The following CHODL variants were observed in gnomAD, a reference collection of about 807,000 sequenced individuals.
CHODL encodes transmembrane protein MT75.
CHODL carries 29 observed loss-of-function variants against 34.5 expected under a neutral mutation model. The ratio of observed to expected loss-of-function variants is 0.84; its 90% CI spans 0.63 to 1.15. CHODL has a LOEUF of 1.15. Among genes scored for constraint, CHODL ranks in the 50% most tolerant of loss-of-function variants. CHODL has a pLI of 0.00. For missense variants in CHODL, 332 were observed against 332.5 expected (o/e 1.00, Z 0.01); for synonymous variants, 125 against 116.1 (o/e 1.08, Z -0.49).
intron 2 of CHODL, among the ~76,000 whole-genome samples, chr21:18,092,034 C>A (rs1365546961): frequency 6.6e-6 from 1 of 152,156 alleles, no homozygotes; most frequent in Non-Finnish European, 1.5e-5. Flanking sequence ...AATTGCCATC[C>A]TGAAGAGAAG....
rs115975734 is a variant in CHODL at position 18,043,993 on chromosome 21, G to A, written c.-45+16022G>A. On this transcript the variant is annotated intron_variant, in intron 2 of 6. Transcript: ENST00000400127. The stretch of plus-strand genomic sequence containing the variant: ...ATCTCCATGATTCAGTTATCTCCCC[G>A]CCACAACACATGGGGATTATGGGAG... Among the ~76,000 whole-genome samples the A allele has an allele frequency of 2.9e-3, 443 of 152,018 alleles. 2 individuals carry two copies. The highest frequency in any genetic ancestry group is 0.01 in the African/African-American group (424 of 41,508).
At chr21:18,168,207 T>G (rs968210863) in intron 2 of CHODL, among the ~76,000 whole-genome samples, 11 of 152,180 alleles carry the variant, frequency 7.2e-5, no homozygotes, top group African/African-American at 2.7e-4. Flanking sequence ...TTGGCTTCCT[T>G]GCTCCTCAGC....
intron 1 of CHODL, among the ~76,000 whole-genome samples, chr21:17,996,076 TA>T (rs1410365179): frequency 1.4e-4 from 22 of 152,118 alleles, no homozygotes; most frequent in South Asian, 4.2e-4. Flanking sequence ...ACTCATCATT[TA>T]TTTTTTTTTT....
intron 2 of CHODL, among the ~76,000 whole-genome samples, chr21:18,232,006 C>T (rs988520787): frequency 6.6e-5 from 10 of 151,880 alleles, no homozygotes; most frequent in South Asian, 2.1e-4. Context: ...CTGGTCTATG[C>T]GGAAATTTAG....
At chr21:18,010,677 GA>G (rs543403735) in intron 1 of CHODL, among the ~76,000 whole-genome samples, 102 of 151,846 alleles carry the variant, frequency 6.7e-4, no homozygotes, top group African/African-American at 2.4e-3. Flanking sequence ...GTTATAACTA[GA>G]AAAAAAATGT....
intron 2 of CHODL, among the ~76,000 whole-genome samples, chr21:18,030,392 A>C (rs908326667): frequency 1.3e-5 from 2 of 152,322 alleles, no homozygotes; most frequent in South Asian, 4.1e-4. Flanking sequence ...CAGTTGAGCC[A>C]GTAGGCTGGC....
chr21:17,929,819 A>G (rs1257697427), intron 1 of CHODL, among the ~76,000 whole-genome samples: 3 of 72,872 alleles, frequency 4.1e-5, no homozygotes, highest in Non-Finnish European at 1.3e-4. Context: ...CAGTGCCAGG[A>G]GGGAGTGGGG....
intron 1 of CHODL, among the ~76,000 whole-genome samples, chr21:17,952,761 C>G (rs2063468905): frequency 6.6e-6 from 1 of 152,146 alleles, no homozygotes; most frequent in Non-Finnish European, 1.5e-5. Context: ...TCCATTCTCT[C>G]ACTGCTATAA....
At chr21:18,168,324 CT>C (rs1276284296) in intron 2 of CHODL, among the ~76,000 whole-genome samples, 1 of 152,174 alleles carries the variant, frequency 6.6e-6, no homozygotes, top group Non-Finnish European at 1.5e-5. Flanking sequence ...CTAGAAAACC[CT>C]GACTAATACA....
chr21:18,206,850 ATATCT>A (rs1396262952), intron 2 of CHODL, among the ~76,000 whole-genome samples: 43 of 144,490 alleles, frequency 3.0e-4, no homozygotes, highest in Admixed American at 2.5e-3. Flanking sequence ...CTTGCAAATA[ATATCT>A]TATAACCCAT....
rs34255623 is a variant in CHODL, at chr21:17,941,286, C to CT, written c.-145+23909dup. Reference sequence around the variant, plus strand: ...GAAAATCCCAAAACTTAACTTGCCTCTTTTTTTTTTTTTTTTTTTTTTTCA... The same window carrying CT: ...GAAAATCCCAAAACTTAACTTGCCTCTTTTTTTTTTTTTTTTTTTTTTTTCA... On this transcript the variant is annotated intron_variant, in intron 1 of 6. Coordinates refer to the CHODL transcript ENST00000400127. Among the ~76,000 whole-genome samples the CT allele has an allele frequency of 8.5e-3, 744 of 87,886 alleles. 9 individuals are homozygous for CT. The highest frequency in any genetic ancestry group is 0.011 in the Non-Finnish European group (495 of 46,912). 57.7% of individuals were successfully genotyped at this position (87,886 alleles called of 152,430 possible).
intron 2 of CHODL, among the ~76,000 whole-genome samples, chr21:18,070,025 T>TTCCCTTCCCTTCCCTTCCCTTCCC (rs1555860424): frequency 6.9e-5 from 2 of 29,090 alleles, no homozygotes; most frequent in Non-Finnish European, 2.0e-4. Flanking sequence ...TTCCCTTCCC[T>TTCCCTTCCCTTCCCTTCCCTTCCC]CCCCCCCCCC....
intron 2 of CHODL, among the ~76,000 whole-genome samples, chr21:18,110,801 G>A (rs73894751): frequency 0.05 from 7,600 of 152,262 alleles, 356 homozygotes; most frequent in African/African-American, 0.12. Context: ...CAGACATGCA[G>A]TGTGCTCAAG....
chr21:18,042,766 A>G lies in CHODL; in HGVS notation c.-45+14795A>G, dbSNP rs139770331. ...GCAGAAGGTGAAATAATAGAGATAC[A>G]TATCTGGGATAGTTGCTGGGACACG... On this transcript the variant is annotated intron_variant, in intron 2 of 6. Transcript: ENST00000400127. 3.4e-3 allele frequency among the ~76,000 whole-genome samples: 514 copies of G among 152,086 alleles called. 2 individuals are homozygous for G. The highest frequency in any genetic ancestry group is 0.011 in the African/African-American group (476 of 41,542).
intron 2 of CHODL, among the ~76,000 whole-genome samples, chr21:18,078,513 A>C (rs2064894683): frequency 6.6e-6 from 1 of 152,168 alleles, no homozygotes; most frequent in Non-Finnish European, 1.5e-5. Context: ...TTAGAATATT[A>C]AATGTACTAA....
rs1601223011 is a variant in CHODL at position 18,260,355 on chromosome 21, A to G, written c.634+69A>G. ...TACTTTCAAACGCTGCTTCATGTTGACCCCAGTGAAACTTGTCTTGCCTGG... is the reference window on the plus strand; with the variant it reads ...TACTTTCAAACGCTGCTTCATGTTGGCCCCAGTGAAACTTGTCTTGCCTGG... On this transcript the variant is annotated intron_variant, in intron 4 of 5. Transcript: ENST00000299295. 13 of 991,630 alleles carry G rather than the reference A, an allele frequency of 1.3e-5. No homozygotes were observed. In the East Asian group the frequency reaches 3.7e-4, roughly 28 times the overall value. 61.4% of individuals were successfully genotyped at this position (991,630 alleles called of 1,614,324 possible).
chr21:18,130,367 A>T (rs1420027279), intron 2 of CHODL, among the ~76,000 whole-genome samples: 3 of 152,222 alleles, frequency 2.0e-5, no homozygotes, highest in Non-Finnish European at 4.4e-5. Flanking sequence ...TGGCTGGTAG[A>T]ACTGACTCTA....
chr21:18,251,832 T>C (rs946995594), intron 1 of CHODL, among the ~76,000 whole-genome samples: 7 of 149,136 alleles, frequency 4.7e-5, no homozygotes, highest in African/African-American at 1.7e-4. Flanking sequence ...CTATAAAATA[T>C]TTCTGTAAAA....
intron 1 of CHODL, among the ~76,000 whole-genome samples, chr21:18,023,134 C>T (rs1321961495): frequency 1.3e-5 from 2 of 152,180 alleles, no homozygotes; most frequent in African/African-American, 2.4e-5. Flanking sequence ...CCACCTACTT[C>T]ACTAGTGTCC....
Sources: allele counts gnomAD v4.1 joint callset (sites outside exome capture counted in the v4.1 genomes callset), GRCh38; gene constraint gnomAD v4.1.1; transcripts MANE v1.5; gene names NCBI Gene and HGNC (gene_info 2026-07-23, HGNC 2026-07-21).